The following DROSHA variants were observed in gnomAD, a reference collection of about 807,000 sequenced individuals.
DROSHA encodes the protein ribonuclease 3.
Under a neutral mutation model 181.9 loss-of-function variants are expected in DROSHA, and 56 were observed. The ratio of observed to expected loss-of-function variants is 0.31; its 90% CI spans 0.25 to 0.38. The LOEUF is 0.38. Among genes scored for constraint, DROSHA ranks in the 10% least tolerant of loss-of-function variants. The pLI is 1.00. For synonymous variants in DROSHA, 524 were observed against 591.2 expected (o/e 0.89, Z 1.65); for missense variants, 1,218 against 1,743.5 (o/e 0.70, Z 5.37).
In DROSHA at chr5:31,500,568, G is replaced by A. The variant is rs1753479886; in HGVS notation, c.1668+3987C>T. Among the ~76,000 whole-genome samples, 4 of 152,200 alleles carry A rather than the reference G, an allele frequency of 2.6e-5. No homozygotes were observed. In the South Asian group the frequency reaches 8.3e-4, roughly 31 times the overall value. Reference sequence around the variant, plus strand: ...TAGAATGGATAAAGTATCTACAGCTGGAAAATATGCCAAATAATCATGTTG... The same window carrying A: ...TAGAATGGATAAAGTATCTACAGCTAGAAAATATGCCAAATAATCATGTTG... On this transcript the variant is annotated intron_variant, in intron 11 of 35. Transcript: ENST00000344624.
intron 9 of DROSHA, among the ~76,000 whole-genome samples, chr5:31,509,462 G>A (rs1738403154): frequency 6.6e-6 from 1 of 152,174 alleles, no homozygotes; most frequent in Non-Finnish European, 1.5e-5. Flanking sequence ...TTTCAAAGAA[G>A]GAGCACATGT....
At position 31,409,308 on chromosome 5, in the gene DROSHA, T is replaced by A. The variant is rs1486762375; in HGVS notation, c.3692A>T (p.Asp1231Val). ...LESFIAALYI[D>V]KDLEYVHTFM... Reference sequence around the variant, plus strand: ...AGTATGAACATATTCCAAATCCTTATCAATGTACAGCGCTGCAATAAATGC... The same window carrying A: ...AGTATGAACATATTCCAAATCCTTAACAATGTACAGCGCTGCAATAAATGC... The change falls in exon 32 of 36, where the codon GAT becomes GTT. Residue 1231 changes from aspartate (D) to valine (V), a missense_variant. By Grantham distance (152) the Asp-to-Val change is radical (BLOSUM62 -3). Transcript: ENST00000344624. The surrounding 1 kb of genome is among the most constrained non-coding windows in gnomAD (Gnocchi z 4.0). The A allele has an allele frequency of 6.3e-7, 1 of 1,585,096 alleles. No homozygotes were observed. Among genetic ancestry groups the A allele is most frequent in the Admixed American group, 1.8e-5 (1 of 55,516 alleles).
chr5:31,496,599 G>A (rs78887707), intron 11 of DROSHA, among the ~76,000 whole-genome samples: 1,779 of 152,234 alleles, frequency 0.012, 34 homozygotes, highest in African/African-American at 0.032. Context: ...TGATGGGGAC[G>A]TTCATGCTGA....
intron 16 of DROSHA, among the ~76,000 whole-genome samples, chr5:31,476,871 G>A (rs758097975): frequency 5.9e-5 from 9 of 152,134 alleles, no homozygotes; most frequent in East Asian, 1.9e-4. Context: ...TTGGCCACTC[G>A]CACTCAGGCT....
At chr5:31,493,330 A>G (rs201637322) in intron 12 of DROSHA, 37 bp from the exon 13 acceptor site, 176 of 1,547,476 alleles carry the variant, frequency 1.1e-4, no homozygotes, top group Non-Finnish European at 1.5e-4. Flanking sequence ...CAAATTAAAT[A>G]AATGACATGA....
chr5:31,402,556 T>C (rs1022611564), intron 35 of DROSHA, among the ~76,000 whole-genome samples: 1 of 152,192 alleles, frequency 6.6e-6, no homozygotes, highest in Non-Finnish European at 1.5e-5. Flanking sequence ...GGAAAAAATA[T>C]AGTCTATATA....
chr5:31,414,477 A>C (rs571660444), intron 30 of DROSHA, among the ~76,000 whole-genome samples: 1 of 152,334 alleles, frequency 6.6e-6, no homozygotes, highest in African/African-American at 2.4e-5. Context: ...CTGGGTTCAA[A>C]TTGTGGCTCT....
intron 34 of DROSHA, among the ~76,000 whole-genome samples, chr5:31,406,385 C>G (rs552940579): frequency 1.3e-4 from 20 of 152,064 alleles, no homozygotes; most frequent in African/African-American, 4.6e-4. Context: ...TGGCACATGC[C>G]TGTAATACTA....
chr5:31,405,574 A>G (rs1740540367), intron 35 of DROSHA, 103 bp downstream of exon 35: 1 of 1,033,526 alleles, frequency 9.7e-7, no homozygotes, highest in African/African-American at 1.6e-5. Context: ...AGAAAACAAG[A>G]TCACATTTTA....
chr5:31,504,264 C>CTATA (rs1257056281), intron 11 of DROSHA, among the ~76,000 whole-genome samples: 1 of 152,076 alleles, frequency 6.6e-6, no homozygotes, highest in African/African-American at 2.4e-5. Flanking sequence ...AAACATAAAA[C>CTATA]TATAATATGT....
intron 4 of DROSHA, among the ~76,000 whole-genome samples, chr5:31,528,439 T>C (rs1295008048): frequency 2.0e-5 from 3 of 152,204 alleles, no homozygotes; most frequent in Non-Finnish European, 4.4e-5. Context: ...ACACCATTAA[T>C]AGTCCTTAAG....
intron 30 of DROSHA, among the ~76,000 whole-genome samples, chr5:31,413,286 G>C (rs939259163): frequency 1.3e-5 from 2 of 152,156 alleles, no homozygotes; most frequent in African/African-American, 2.4e-5. Flanking sequence ...CAAAAACCCA[G>C]AGCCTGAACC....
At chr5:31,421,907 A>ATATATATATATATATGCGCCATATATAT (rs1742749595) in intron 29 of DROSHA, 1 of 64,786 alleles carries the variant, frequency 1.5e-5, no homozygotes, top group Non-Finnish European at 2.4e-5. Flanking sequence ...ATATATATAT[A>ATATATATATATATATGCGCCATATATAT]AAAATTAGCC....
intron 23 of DROSHA, among the ~76,000 whole-genome samples, chr5:31,439,505 C>G (rs1745297146): frequency 6.6e-6 from 1 of 152,048 alleles, no homozygotes; most frequent in Non-Finnish European, 1.5e-5. Context: ...TTCAGGGGTA[C>G]CTGTGCAGGT....
chr5:31,404,323 TAC>T (rs1740395699), intron 35 of DROSHA, among the ~76,000 whole-genome samples: 1 of 152,172 alleles, frequency 6.6e-6, no homozygotes, highest in African/African-American at 2.4e-5. Flanking sequence ...AATTTATATG[TAC>T]AATGGATGAA....
At chr5:31,450,046 C>T (rs1746782055) in intron 21 of DROSHA, among the ~76,000 whole-genome samples, 1 of 151,958 alleles carries the variant, frequency 6.6e-6, no homozygotes, top group Non-Finnish European at 1.5e-5. Context: ...ATACAAATGG[C>T]CAACAAACAT....
At chr5:31,443,013 G>C (rs1745789923) in intron 23 of DROSHA, among the ~76,000 whole-genome samples, 1 of 151,310 alleles carries the variant, frequency 6.6e-6, no homozygotes, top group Non-Finnish European at 1.5e-5. Flanking sequence ...TTAACAAATA[G>C]TCCATATGTG....
intron 10 of DROSHA, among the ~76,000 whole-genome samples, 165 bp from the exon 11 acceptor site, chr5:31,504,800 A>C (rs1290959905): frequency 6.6e-6 from 1 of 152,226 alleles, no homozygotes; most frequent in Non-Finnish European, 1.5e-5. Context: ...ATAAAGCTGC[A>C]AACTGTCTAT....
At chr5:31,459,020 TAAAC>T (rs1412268627) in intron 20 of DROSHA, among the ~76,000 whole-genome samples, 5 of 152,166 alleles carry the variant, frequency 3.3e-5, no homozygotes, top group African/African-American at 9.7e-5. Flanking sequence ...TAAAGAGACT[TAAAC>T]AACATCAACT....
Sources: gnomAD v4.1 joint callset for allele counts (sites outside exome capture counted in the v4.1 genomes callset) on GRCh38, gnomAD v4.1.1 for gene constraint, Gnocchi (gnomAD v3.1) non-coding constraint, MANE v1.5 for transcripts, NCBI Gene and HGNC (gene_info 2026-07-23, HGNC 2026-07-21) for gene names.